Variants in RBFOX1 observed in about 807,000 individuals in gnomAD.
The protein encoded by RBFOX1 is RNA binding fox-1 homolog 1.
Under a neutral mutation model 57.7 loss-of-function variants are expected in RBFOX1, and 8 were observed. The ratio of observed to expected loss-of-function variants is 0.14; its 90% CI spans 0.08 to 0.25. RBFOX1 has a LOEUF of 0.25. Among genes scored for constraint, RBFOX1 ranks in the 10% least tolerant of loss-of-function variants. The probability of loss-of-function intolerance (pLI) is 1.00; values close to 1 mark genes in which losing one functional copy is unlikely to be tolerated. For synonymous variants in RBFOX1, 326 were observed against 222.4 expected (o/e 1.47, Z -4.15); for missense variants, 611 against 548.5 (o/e 1.11, Z -1.14).
chr16:6,651,621 G>A (rs1237863854), intron 2 of RBFOX1, among the ~76,000 whole-genome samples: 1 of 152,176 alleles, frequency 6.6e-6, no homozygotes, highest in Non-Finnish European at 1.5e-5. Context: ...ATGTAAAATG[G>A]TGCACCTGCT....
chr16:6,982,523 G>A (rs1009332280), intron 3 of RBFOX1, among the ~76,000 whole-genome samples: 6 of 152,084 alleles, frequency 3.9e-5, no homozygotes, highest in East Asian at 1.9e-4. Context: ...AGACGGCCTC[G>A]CCCTCTGTTC....
At chr16:7,697,520 C>T (rs78808923) in intron 14 of RBFOX1, among the ~76,000 whole-genome samples, 1 of 21,346 alleles carries the variant, frequency 4.7e-5, no homozygotes, top group African/African-American at 1.3e-4. Flanking sequence ...TACATACATG[C>T]ATGTATATGT....
chr16:5,694,265 T>C (rs2050781865), intron 3 of RBFOX1, among the ~76,000 whole-genome samples: 1 of 150,320 alleles, frequency 6.7e-6, no homozygotes, highest in South Asian at 2.1e-4. Context: ...TCCAAGACTG[T>C]GATCCTTCAT....
chr16:6,564,471 AAAAC>A (rs5815327), intron 2 of RBFOX1, among the ~76,000 whole-genome samples: 4 of 151,394 alleles, frequency 2.6e-5, no homozygotes, highest in African/African-American at 9.7e-5. Context: ...AAAACAAACA[AAAAC>A]AAACAAAAAT....
chr16:6,068,411 A>G (rs2095794676), intron 1 of RBFOX1, among the ~76,000 whole-genome samples: 1 of 152,238 alleles, frequency 6.6e-6, no homozygotes, highest in Admixed American at 6.5e-5. Flanking sequence ...GAGTGTATCA[A>G]AAGCCTACCT....
At chr16:7,113,005 C>T (rs904130526) in intron 4 of RBFOX1, among the ~76,000 whole-genome samples, 1 of 152,148 alleles carries the variant, frequency 6.6e-6, no homozygotes, top group Non-Finnish European at 1.5e-5. Flanking sequence ...TACATGAATT[C>T]AGGGGTGAGT....
chr16:6,849,823 CCT>C (rs1237911282), intron 3 of RBFOX1, among the ~76,000 whole-genome samples: 3 of 152,138 alleles, frequency 2.0e-5, no homozygotes, highest in Non-Finnish European at 4.4e-5. Flanking sequence ...ATCCTCTCTC[CCT>C]CTTTTCTTTG....
At chr16:7,231,327 C>G (rs12446629) in intron 4 of RBFOX1, among the ~76,000 whole-genome samples, 100,759 of 152,006 alleles carry the variant, frequency 0.66, 34,961 homozygotes, top group East Asian at 0.96. Flanking sequence ...AATCAGGAAT[C>G]GACTACTATC....
intron 1 of RBFOX1, among the ~76,000 whole-genome samples, chr16:6,257,177 G>T (rs1165851012): frequency 3.9e-5 from 6 of 152,086 alleles, no homozygotes; most frequent in Admixed American, 3.3e-4. Context: ...AGGTAAACAT[G>T]TGCCACAGTG....
chr16:7,185,536 A>G (rs375274115), intron 4 of RBFOX1, among the ~76,000 whole-genome samples: 3 of 152,332 alleles, frequency 2.0e-5, no homozygotes, highest in East Asian at 3.9e-4. Context: ...ACCTTTGTGG[A>G]CACACACATT....
At chr16:7,261,026 C>G (rs573958639) in intron 4 of RBFOX1, among the ~76,000 whole-genome samples, 38 of 152,120 alleles carry the variant, frequency 2.5e-4, no homozygotes, top group Non-Finnish European at 4.6e-4. Flanking sequence ...TTCTCCCAAG[C>G]CTACCTTGGC....
chr16:6,745,786 A>T (rs141598745), intron 3 of RBFOX1, among the ~76,000 whole-genome samples: 1 of 152,326 alleles, frequency 6.6e-6, no homozygotes, highest in Non-Finnish European at 1.5e-5. Flanking sequence ...TTAGCCAGTG[A>T]TAATGAGCAA....
chr16:5,539,612 C>CA (rs1385104862), intron 2 of RBFOX1, among the ~76,000 whole-genome samples: 3 of 151,808 alleles, frequency 2.0e-5, no homozygotes, highest in Non-Finnish European at 4.4e-5. Context: ...AAAAAAATCC[C>CA]AAAAAACAAA....
intron 3 of RBFOX1, among the ~76,000 whole-genome samples, chr16:6,769,503 C>G (rs543656676): frequency 1.3e-5 from 2 of 152,332 alleles, no homozygotes; most frequent in African/African-American, 4.8e-5. Flanking sequence ...GTATGTATAT[C>G]CTTAATGGTT....
At chr16:7,393,734 C>T (rs1486584253) in intron 4 of RBFOX1, among the ~76,000 whole-genome samples, 1 of 152,154 alleles carries the variant, frequency 6.6e-6, no homozygotes, top group Non-Finnish European at 1.5e-5. Context: ...TGTCTTTGGC[C>T]ACAAGGTGTC....
chr16:6,945,633 G>A (rs1359621366), intron 3 of RBFOX1, among the ~76,000 whole-genome samples: 2 of 152,084 alleles, frequency 1.3e-5, no homozygotes, highest in African/African-American at 4.8e-5. Context: ...GCTCACGCCT[G>A]TAATCCCAGC....
chr16:5,678,599 C>T (rs572296341), intron 3 of RBFOX1, among the ~76,000 whole-genome samples: 1 of 152,192 alleles, frequency 6.6e-6, no homozygotes, highest in Non-Finnish European at 1.5e-5. Flanking sequence ...ATTGCTTCCT[C>T]TGGGTGCTTG....
chr16:7,561,204 C>T (rs1341175211), intron 5 of RBFOX1, among the ~76,000 whole-genome samples: 2 of 152,208 alleles, frequency 1.3e-5, no homozygotes, highest in Non-Finnish European at 2.9e-5. Flanking sequence ...ACTGTCTCTG[C>T]TTTTACAAAT....
chr16:6,837,775 T>C (rs1333185313), intron 3 of RBFOX1, among the ~76,000 whole-genome samples: 2 of 152,222 alleles, frequency 1.3e-5, no homozygotes, highest in African/African-American at 4.8e-5. Context: ...ATTGTCATTA[T>C]TACAATCTTG....
Sources: gnomAD v4.1 joint callset for allele counts (sites outside exome capture counted in the v4.1 genomes callset) on GRCh38, gnomAD v4.1.1 for gene constraint, MANE v1.5 for transcripts, NCBI Gene and HGNC (gene_info 2026-07-23, HGNC 2026-07-21) for gene names.